Variants in LIMS1 observed in about 807,000 individuals in gnomAD.
The protein encoded by LIMS1 is LIM zinc finger domain containing 1.
In LIMS1, 18 loss-of-function variants were observed where a neutral mutation model predicts 44.1. The ratio of observed to expected loss-of-function variants is 0.41; its 90% CI spans 0.28 to 0.61. The LOEUF (loss-of-function observed/expected upper bound fraction) is 0.61. Among genes scored for constraint, LIMS1 ranks in the 20% least tolerant of loss-of-function variants. The probability of loss-of-function intolerance (pLI) is 0.32; values close to 1 mark genes in which losing one functional copy is unlikely to be tolerated. For missense variants in LIMS1, 201 were observed against 422.0 expected, an observed-to-expected ratio of 0.48 and a Z score of 4.59; for synonymous variants, 93 against 149.1, an observed-to-expected ratio of 0.62 and a Z score of 2.74.
At chr2:108,571,176 A>G (rs1251259501) in intron 1 of LIMS1, among the ~76,000 whole-genome samples, 3 of 152,214 alleles carry the variant, frequency 2.0e-5, no homozygotes, top group Non-Finnish European at 4.4e-5. Flanking sequence ...TTTATAAATA[A>G]TGGTAAATAT....
intron 1 of LIMS1, among the ~76,000 whole-genome samples, chr2:108,542,417 A>G (rs563327951): frequency 2.0e-5 from 3 of 152,268 alleles, no homozygotes; most frequent in Non-Finnish European, 2.9e-5. Flanking sequence ...CTTTATATCT[A>G]TTTTACAGAT....
chr2:108,622,973 ATTTTTT>A (rs68115708), intron 1 of LIMS1, among the ~76,000 whole-genome samples: 1 of 123,128 alleles, frequency 8.1e-6, no homozygotes, highest in Non-Finnish European at 1.8e-5. Flanking sequence ...AAACAACTAG[ATTTTTT>A]TTTTTTTTTT....
rs557225858 is a variant in LIMS1, at chr2:108,579,951, C to G, written c.32+45357C>G. 3.9e-5 allele frequency among the ~76,000 whole-genome samples: 6 copies of G among 152,312 alleles called. No homozygotes were observed. In the East Asian group the frequency reaches 9.6e-4, roughly 24 times the overall value. Reference sequence around the variant, plus strand: ...GCTGTTGAGATGTGACAGGCAGATCCGCAGGGCTGCAGCCTGTGCAGTGAG... The same window carrying G: ...GCTGTTGAGATGTGACAGGCAGATCGGCAGGGCTGCAGCCTGTGCAGTGAG... On this transcript the variant is annotated intron_variant, in intron 1 of 9. Transcript: ENST00000544547.
At chr2:108,607,132 A>G in intron 1 of LIMS1, 6 of 1,286,356 alleles carry the variant, frequency 4.7e-6, no homozygotes, top group Non-Finnish European at 6.6e-6. Flanking sequence ...AATAGGCCCA[A>G]GGGAGCCTGC....
At chr2:108,568,650 AG>A (rs1447826691) in intron 1 of LIMS1, among the ~76,000 whole-genome samples, 1 of 152,174 alleles carries the variant, frequency 6.6e-6, no homozygotes, top group African/African-American at 2.4e-5. Flanking sequence ...CAACACACAA[AG>A]GTTCCAATTT....
chr2:108,680,839 C>T, intron 9 of LIMS1, 69 bp downstream of exon 9: 1 of 1,582,338 alleles, frequency 6.3e-7, no homozygotes. Context: ...TAAAAAAAAT[C>T]CTAGAATTTA....
chr2:108,598,743 C>G (rs1182876704), intron 1 of LIMS1, among the ~76,000 whole-genome samples: 1 of 152,172 alleles, frequency 6.6e-6, no homozygotes, highest in East Asian at 1.9e-4. Flanking sequence ...TAGCCCTGGT[C>G]TTTCAAAAAG....
chr2:108,681,857 C>T (rs1693021285), intron 9 of LIMS1, among the ~76,000 whole-genome samples: 1 of 151,134 alleles, frequency 6.6e-6, no homozygotes, highest in African/African-American at 2.4e-5. Context: ...TGCCACTGCA[C>T]TCCAGCTTGG....
At chr2:108,663,214 G>A (rs1003084074) in intron 2 of LIMS1, among the ~76,000 whole-genome samples, 1 of 152,026 alleles carries the variant, frequency 6.6e-6, no homozygotes, top group Non-Finnish European at 1.5e-5. Context: ...GACTTCCTGG[G>A]CTCAAGCAAT....
intron 2 of LIMS1, among the ~76,000 whole-genome samples, chr2:108,664,896 G>A (rs1691640791): frequency 6.6e-6 from 1 of 152,082 alleles, no homozygotes; most frequent in African/African-American, 2.4e-5. Context: ...TCAATTTCTG[G>A]ATCCTTTTCT....
chr2:108,620,730 T>C (rs984799588), intron 1 of LIMS1, among the ~76,000 whole-genome samples: 8 of 152,274 alleles, frequency 5.3e-5, no homozygotes, highest in Non-Finnish European at 1.2e-4. Flanking sequence ...TTATGAATTC[T>C]TCAGTAATAT....
chr2:108,537,778 G>A (rs1684189473), intron 1 of LIMS1, among the ~76,000 whole-genome samples: 1 of 152,078 alleles, frequency 6.6e-6, no homozygotes, highest in Non-Finnish European at 1.5e-5. Flanking sequence ...CCTGTCTCCT[G>A]GGCAGTTCTT....
intron 1 of LIMS1, among the ~76,000 whole-genome samples, chr2:108,640,589 C>G (rs979845443): frequency 5.3e-5 from 8 of 152,144 alleles, no homozygotes; most frequent in Admixed American, 5.2e-4. Flanking sequence ...TGGCCACTCT[C>G]TTTTGCCTGT....
rs182332121 is a variant in LIMS1, at chr2:108,541,242, T to A, written c.32+6648T>A. Among the ~76,000 whole-genome samples, 368 of 152,314 alleles carry A rather than the reference T, an allele frequency of 2.4e-3. 2 individuals are homozygous for A. The highest frequency in any genetic ancestry group is 3.8e-3 in the Non-Finnish European group (259 of 68,030). ...ATGTTACCAACTACTTAAACAGATA[T>A]GTTTATTTCTCATTGGTAAATGTAG... On this transcript the variant is annotated intron_variant, in intron 1 of 9. Coordinates refer to ENST00000544547, the Ensembl canonical transcript of LIMS1.
intron 1 of LIMS1, among the ~76,000 whole-genome samples, chr2:108,557,979 G>A (rs7577857): frequency 0.05 from 7,668 of 152,140 alleles, 276 homozygotes; most frequent in South Asian, 0.15. Flanking sequence ...ATGTATGAAG[G>A]GGAAATTATG....
At chr2:108,649,659 C>A (rs778648323) in intron 1 of LIMS1, among the ~76,000 whole-genome samples, 1 of 152,160 alleles carries the variant, frequency 6.6e-6, no homozygotes, top group Non-Finnish European at 1.5e-5. Flanking sequence ...AGGATGAGTT[C>A]ATGTCCTTTG....
intron 1 of LIMS1, among the ~76,000 whole-genome samples, chr2:108,598,764 G>A (rs1480621701): frequency 6.6e-6 from 1 of 152,166 alleles, no homozygotes; most frequent in Non-Finnish European, 1.5e-5. Flanking sequence ...CTGTGGTTGT[G>A]TGGGTCTTTA....
At chr2:108,574,371 G>C (rs548891960) in intron 1 of LIMS1, among the ~76,000 whole-genome samples, 7 of 152,318 alleles carry the variant, frequency 4.6e-5, no homozygotes, top group Middle Eastern at 3.4e-3. Flanking sequence ...CTGGTGCTTA[G>C]AGACAGCTCT....
chr2:108,612,885 G>T (rs1348043915), intron 1 of LIMS1, among the ~76,000 whole-genome samples: 1 of 152,172 alleles, frequency 6.6e-6, no homozygotes, highest in Admixed American at 6.6e-5. Context: ...AGCTTCCGGG[G>T]TTAGGTTGTC....
Sources: allele counts gnomAD v4.1 joint callset (sites outside exome capture counted in the v4.1 genomes callset), GRCh38; gene constraint gnomAD v4.1.1; transcripts MANE v1.5; gene names NCBI Gene and HGNC (gene_info 2026-07-23, HGNC 2026-07-21).